PTPRK: variants seen among roughly 807,000 people sequenced by gnomAD.
PTPRK encodes the protein protein tyrosine phosphatase receptor type K.
A neutral mutation model predicts 178.0 loss-of-function variants in PTPRK; 75 were observed. That is an observed-to-expected ratio of 0.42 (90% CI 0.35 to 0.51). The LOEUF is 0.51. Ranked by LOEUF, PTPRK falls within the 20% of genes least tolerant of loss-of-function variation. The pLI is 0.02. For synonymous variants in PTPRK, 637 were observed against 620.6 expected (o/e 1.03, Z -0.39); for missense variants, 1,441 against 1,797.8 (o/e 0.80, Z 3.59).
intron 7 of PTPRK, among the ~76,000 whole-genome samples, chr6:128,135,928 T>C (rs1330220333): frequency 6.6e-6 from 1 of 152,150 alleles, no homozygotes; most frequent in Admixed American, 6.5e-5. Context: ...GAATAAGATG[T>C]TATGAGCTGA....
At chr6:127,971,483 G>A (rs2114598751) in intron 29 of PTPRK, among the ~76,000 whole-genome samples, 1 of 152,188 alleles carries the variant, frequency 6.6e-6, no homozygotes, top group South Asian at 2.1e-4. Context: ...GTGCATTCAA[G>A]GAACCAAAAT....
At chr6:128,075,322 T>C (rs149561006) in intron 11 of PTPRK, among the ~76,000 whole-genome samples, 116 of 152,160 alleles carry the variant, frequency 7.6e-4, no homozygotes, top group African/African-American at 2.7e-3. Context: ...ACAGTCCTTC[T>C]TGTGCCCACC....
chr6:128,187,463 C>A lies in PTPRK; in HGVS notation c.869-2738G>T, dbSNP rs192873306. On this transcript the variant is annotated intron_variant, in intron 6 of 29. Coordinates refer to ENST00000368226, the MANE Select transcript of PTPRK (RefSeq NM_002844.4). ...TTTTTCACATTATAATTTATTCATT[C>A]GTGCACTAGGCATTATTTGAAGAAT... is the stretch of plus-strand genomic sequence containing the variant. Among the ~76,000 whole-genome samples the A allele has an allele frequency of 1.0e-3, 156 of 152,178 alleles. 1 individual carries two copies. The highest frequency in any genetic ancestry group is 3.4e-3 in the Middle Eastern group (1 of 294).
At chr6:128,031,790 C>A (rs1316231978) in intron 13 of PTPRK, among the ~76,000 whole-genome samples, 3 of 152,142 alleles carry the variant, frequency 2.0e-5, no homozygotes, top group Admixed American at 1.3e-4. Context: ...GTTTAAAGAA[C>A]ACCAAAAGTT....
chr6:128,473,851 T>G (rs540777155), intron 1 of PTPRK, among the ~76,000 whole-genome samples: 1 of 152,176 alleles, frequency 6.6e-6, no homozygotes, highest in South Asian at 2.1e-4. Flanking sequence ...ATTATTTTCA[T>G]TCTAGAATGA....
chr6:128,339,613 C>A (rs933352327), intron 2 of PTPRK, among the ~76,000 whole-genome samples: 1 of 152,100 alleles, frequency 6.6e-6, no homozygotes, highest in Admixed American at 6.6e-5. Context: ...GATTGAAACA[C>A]AATCATAATT....
intron 2 of PTPRK, among the ~76,000 whole-genome samples, chr6:128,393,669 G>A (rs750813072): frequency 3.9e-5 from 6 of 152,272 alleles, no homozygotes; most frequent in Non-Finnish European, 5.9e-5. Flanking sequence ...AGATATCAGC[G>A]AACACAGTAT....
chr6:128,460,312 G>T (rs1355774101), intron 1 of PTPRK, among the ~76,000 whole-genome samples: 1 of 152,134 alleles, frequency 6.6e-6, no homozygotes, highest in Non-Finnish European at 1.5e-5. Flanking sequence ...GGAAGGTCAA[G>T]GTGGGAGGAT....
chr6:128,146,729 A>G (rs1324580441), intron 7 of PTPRK, among the ~76,000 whole-genome samples: 1 of 152,070 alleles, frequency 6.6e-6, no homozygotes, highest in African/African-American at 2.4e-5. Context: ...TGCCCAGCCT[A>G]CGATACTGTT....
chr6:128,219,001 A>G lies in PTPRK; in HGVS notation c.789T>C (p.Thr263=), dbSNP rs1210199090. The G allele has an allele frequency of 7.4e-6, 12 of 1,614,132 alleles. No individual in the cohort carries two copies. The highest frequency in any genetic ancestry group is 1.0e-5 in the Non-Finnish European group (12 of 1,179,984). ...TTACACAGCGATACAAATCCTGGTC[A>G]GTTTTTGTCACTTCTTGCAATCTGA... ...ASFRLQEVTK[T]DQDLYRCVTQ... Residue 263 remains threonine (T), a synonymous_variant, in exon 6 of 30, where the codon ACT becomes ACC. Coordinates refer to ENST00000368226, the MANE Select transcript of PTPRK (RefSeq NM_002844.4).
At chr6:128,053,170 AC>A (rs1779322786) in intron 13 of PTPRK, among the ~76,000 whole-genome samples, 1 of 151,400 alleles carries the variant, frequency 6.6e-6, no homozygotes, top group Non-Finnish European at 1.5e-5. Context: ...ACACACACAC[AC>A]ACACACACAC....
At chr6:128,135,805 C>T (rs1029349768) in intron 7 of PTPRK, among the ~76,000 whole-genome samples, 5 of 150,604 alleles carry the variant, frequency 3.3e-5, no homozygotes, top group Admixed American at 2.0e-4. Flanking sequence ...TAGAGGTTGG[C>T]CATTGTGATC....
At chr6:128,407,909 C>T (rs764442412) in intron 1 of PTPRK, among the ~76,000 whole-genome samples, 1 of 152,074 alleles carries the variant, frequency 6.6e-6, no homozygotes, top group African/African-American at 2.4e-5. Context: ...TAGATTAAAG[C>T]ACTAGCAGTA....
At chr6:128,337,803 C>T (rs968885334) in intron 2 of PTPRK, among the ~76,000 whole-genome samples, 7 of 152,102 alleles carry the variant, frequency 4.6e-5, no homozygotes, top group Non-Finnish European at 8.8e-5. Flanking sequence ...ATGACCTCAT[C>T]AGGAAGGTGA....
At chr6:128,448,556 C>T (rs1584767544) in intron 1 of PTPRK, among the ~76,000 whole-genome samples, 2 of 152,258 alleles carry the variant, frequency 1.3e-5, no homozygotes, top group East Asian at 3.9e-4. Context: ...CCACATTAGG[C>T]ACTAAATAAT....
At chr6:128,345,817 G>A (rs140867343) in intron 2 of PTPRK, among the ~76,000 whole-genome samples, 2 of 152,222 alleles carry the variant, frequency 1.3e-5, no homozygotes, top group East Asian at 3.9e-4. Context: ...AACCTTACCT[G>A]TTATACCAAA....
intron 5 of PTPRK, among the ~76,000 whole-genome samples, chr6:128,228,604 G>A (rs1811789298): frequency 6.7e-6 from 1 of 149,324 alleles, no homozygotes; most frequent in African/African-American, 2.5e-5. Context: ...AGCTTGCAGT[G>A]AGCGGAGATC....
chr6:128,144,164 C>G (rs980825923), intron 7 of PTPRK, among the ~76,000 whole-genome samples: 1 of 152,112 alleles, frequency 6.6e-6, no homozygotes, highest in African/African-American at 2.4e-5. Flanking sequence ...TCTTCCCTTC[C>G]TCAAACATGA....
chr6:128,305,476 T>C (rs1826238221), intron 3 of PTPRK, among the ~76,000 whole-genome samples: 2 of 152,196 alleles, frequency 1.3e-5, no homozygotes, highest in Non-Finnish European at 1.5e-5. Flanking sequence ...AGAATCTAAA[T>C]GTATTATTGC....
Sources: allele counts gnomAD v4.1 joint callset (sites outside exome capture counted in the v4.1 genomes callset), GRCh38; gene constraint gnomAD v4.1.1; transcripts MANE v1.5; gene names NCBI Gene and HGNC (gene_info 2026-07-23, HGNC 2026-07-21).